The following RNLS variants were observed in gnomAD, a reference collection of about 807,000 sequenced individuals.
RNLS encodes renalase, FAD dependent amine oxidase, also known as renalase.
In RNLS, 39 loss-of-function variants were observed where a neutral mutation model predicts 39.8. The ratio of observed to expected loss-of-function variants is 0.98; its 90% confidence interval spans 0.76 to 1.28. The LOEUF is 1.28. Ranked by LOEUF, RNLS falls within the 50% of genes most tolerant of loss-of-function variation. The probability of loss-of-function intolerance (pLI) is 0.00; values close to 1 mark genes in which losing one functional copy is unlikely to be tolerated. For synonymous variants in RNLS, 147 were observed against 150.7 expected (o/e 0.98, Z 0.18); for missense variants, 410 against 413.3 (o/e 0.99, Z 0.07).
At chr10:88,259,011 A>G in the RNLS span, 1 of 152,240 alleles carries the variant, frequency 6.6e-6, no homozygotes, top group African/African-American at 2.4e-5. Context: ...CTTTGTGTGG[A>G]GACTTAAATC....
At chr10:88,336,261 AT>A (rs1316917385) in intron 5 of RNLS, among the ~76,000 whole-genome samples, 2 of 152,206 alleles carry the variant, frequency 1.3e-5, no homozygotes, top group Non-Finnish European at 2.9e-5. Flanking sequence ...TGACTTGTTT[AT>A]TCTAGGCCTG....
At chr10:88,286,355 A>T (rs1426615) in intron 6 of RNLS, among the ~76,000 whole-genome samples, 88,691 of 151,936 alleles carry the variant, frequency 0.58, 26,351 homozygotes, top group Non-Finnish European at 0.63. Flanking sequence ...TTCATATCTG[A>T]AAGTATGAAA....
rs145842671 is a variant in RNLS at position 88,569,356 on chromosome 10, C to T, written c.526+3547G>A. Among the ~76,000 whole-genome samples the T allele has an allele frequency of 3.1e-3, 472 of 151,446 alleles. 2 individuals carry two copies. Among genetic ancestry groups the T allele is most frequent in the African/African-American group, 0.01 (429 of 41,254 alleles). The stretch of plus-strand genomic sequence containing the variant: ...TTGTAACAGCAAAGTTGTGAGAAAT[C>T]GGAAGTTCTCTCAAAGATTTAATAT... On this transcript the variant is annotated intron_variant, in intron 4 of 6. Transcript: ENST00000331772.
the RNLS span, among the ~76,000 whole-genome samples, chr10:88,216,784 C>CA: frequency 6.6e-5 from 10 of 151,866 alleles, no homozygotes; most frequent in Admixed American, 2.0e-4. Flanking sequence ...ACAACAACAA[C>CA]AACAAAAAAA....
chr10:88,486,077 T>G (rs1254489954), intron 4 of RNLS, among the ~76,000 whole-genome samples: 2 of 151,920 alleles, frequency 1.3e-5, no homozygotes, highest in African/African-American at 4.8e-5. Context: ...ATACATCTAA[T>G]GATGAACTTG....
At chr10:88,211,437 A>G in the RNLS span, among the ~76,000 whole-genome samples, 1 of 152,238 alleles carries the variant, frequency 6.6e-6, no homozygotes. Flanking sequence ...AGACATGATC[A>G]TGCAGAGTGC....
At chr10:88,505,529 A>C (rs1224961750) in intron 4 of RNLS, among the ~76,000 whole-genome samples, 5 of 151,956 alleles carry the variant, frequency 3.3e-5, no homozygotes, top group Non-Finnish European at 7.4e-5. Context: ...GGAAGGATTC[A>C]AGGAAGAGAG....
At chr10:88,190,103 T>G in the RNLS span, among the ~76,000 whole-genome samples, 1,399 of 152,354 alleles carry the variant, frequency 9.2e-3, 21 homozygotes, top group African/African-American at 0.03. Context: ...TCTTTGGTAC[T>G]CTTTCTTCAA....
intron 4 of RNLS, among the ~76,000 whole-genome samples, chr10:88,538,247 G>A (rs565564070): frequency 2.7e-4 from 41 of 152,270 alleles, no homozygotes; most frequent in African/African-American, 7.9e-4. Flanking sequence ...GCACATAAGG[G>A]AAGATTGACT....
intron 4 of RNLS, among the ~76,000 whole-genome samples, chr10:88,439,276 C>CA (rs1841581555): frequency 6.6e-6 from 1 of 152,154 alleles, no homozygotes; most frequent in Non-Finnish European, 1.5e-5. Flanking sequence ...TCTTAAGCTC[C>CA]AGATGTTGCT....
chr10:88,456,759 C>A lies in RNLS; in HGVS notation c.527-94034G>T, dbSNP rs535156443. Among the ~76,000 whole-genome samples, 3 of 152,200 alleles carry A rather than the reference C, an allele frequency of 2.0e-5. No homozygotes were observed. The South Asian group carries it at 6.2e-4, about 32-fold the overall frequency. ...TCTCATTATTCTTAAATTTGAGGGACCTGACCAATTTTTTAAAAAAATTCA... is the reference window on the plus strand; with the variant it reads ...TCTCATTATTCTTAAATTTGAGGGAACTGACCAATTTTTTAAAAAAATTCA... On this transcript the variant is annotated intron_variant, in intron 4 of 6. Coordinates refer to ENST00000331772, the MANE Select transcript of RNLS (RefSeq NM_001031709.3).
intron 4 of RNLS, among the ~76,000 whole-genome samples, chr10:88,566,273 T>C (rs1197620211): frequency 1.3e-5 from 2 of 151,970 alleles, no homozygotes; most frequent in Non-Finnish European, 2.9e-5. Context: ...ATTATATTAG[T>C]GGTCACTACC....
At chr10:88,324,937 A>G (rs1370998768) in intron 5 of RNLS, among the ~76,000 whole-genome samples, 4 of 152,190 alleles carry the variant, frequency 2.6e-5, no homozygotes, top group African/African-American at 9.7e-5. Context: ...ACTTAGCATG[A>G]TGTCCTCAAA....
intron 5 of RNLS, among the ~76,000 whole-genome samples, chr10:88,349,012 A>G (rs1241086892): frequency 6.6e-6 from 1 of 152,178 alleles, no homozygotes; most frequent in Non-Finnish European, 1.5e-5. Flanking sequence ...TCATTTGAGC[A>G]GACTTCATGA....
chr10:88,574,786 C>T (rs1193971115), intron 3 of RNLS, among the ~76,000 whole-genome samples: 1 of 152,088 alleles, frequency 6.6e-6, no homozygotes, highest in East Asian at 1.9e-4. Context: ...TTTTCTAAGG[C>T]CCCTGCTTGG....
intron 4 of RNLS, among the ~76,000 whole-genome samples, chr10:88,496,515 A>G (rs1351345094): frequency 6.6e-6 from 1 of 152,100 alleles, no homozygotes; most frequent in Admixed American, 6.6e-5. Context: ...CCAGAATTGG[A>G]GAAAGGGAGG....
chr10:88,250,664 T>G, the RNLS span, among the ~76,000 whole-genome samples: 5 of 152,176 alleles, frequency 3.3e-5, no homozygotes, highest in Admixed American at 2.6e-4. Context: ...GCAAATTAAC[T>G]AAAAAATTTT....
chr10:88,330,799 A>G (rs1183116960), intron 5 of RNLS, among the ~76,000 whole-genome samples: 2 of 152,154 alleles, frequency 1.3e-5, no homozygotes, highest in African/African-American at 4.8e-5. Flanking sequence ...AAAATACAAT[A>G]ATAATATTTA....
At chr10:88,453,873 G>C (rs1487009798) in intron 4 of RNLS, among the ~76,000 whole-genome samples, 1 of 152,172 alleles carries the variant, frequency 6.6e-6, no homozygotes, top group Admixed American at 6.5e-5. Flanking sequence ...TTTAACAGCA[G>C]AGACTCTTTG....
Sources: gnomAD v4.1 joint callset for allele counts (sites outside exome capture counted in the v4.1 genomes callset) on GRCh38, gnomAD v4.1.1 for gene constraint, MANE v1.5 for transcripts, NCBI Gene and HGNC (gene_info 2026-07-23, HGNC 2026-07-21) for gene names.